The following MINDY2 variants were observed in gnomAD, a reference collection of about 807,000 sequenced individuals.
MINDY2 encodes MINDY lysine 48 deubiquitinase 2.
A neutral mutation model predicts 68.2 loss-of-function variants in MINDY2; 52 were observed. The ratio of observed to expected loss-of-function variants is 0.76; its 90% CI spans 0.61 to 0.96. The LOEUF (loss-of-function observed/expected upper bound fraction) is 0.96, where lower values mean the gene tolerates loss of function less well. Among genes scored for constraint, MINDY2 ranks in the 40% least tolerant of loss-of-function variants. The pLI is 0.00. For synonymous variants in MINDY2, 372 were observed against 303.0 expected (o/e 1.23, Z -2.36); for missense variants, 881 against 773.4 (o/e 1.14, Z -1.65).
chr15:58,802,303 T>G lies in MINDY2; in HGVS notation c.899-10T>G, dbSNP rs1791866734. On this transcript the variant is annotated splice_polypyrimidine_tract_variant and intron_variant, in intron 2 of 8. Coordinates refer to ENST00000559228, the MANE Select transcript of MINDY2 (RefSeq NM_001040450.3). ...AAGGCAATTTTACAATTCTTTTTTT[T>G]TTTTTACAGGAGATTACATGCTTGA... The G allele has an allele frequency of 1.9e-6, 3 of 1,560,730 alleles. No individual in the cohort carries two copies. Among genetic ancestry groups the G allele is most frequent in the Non-Finnish European group, 2.6e-6 (3 of 1,154,814 alleles).
At chr15:58,821,299 G>A (rs2031045386) in intron 4 of MINDY2, among the ~76,000 whole-genome samples, 1 of 149,456 alleles carries the variant, frequency 6.7e-6, no homozygotes. Flanking sequence ...AAGTTGCCTT[G>A]CTTTAAATGT....
At chr15:58,832,376 A>T (rs1443484143) in intron 6 of MINDY2, among the ~76,000 whole-genome samples, 2 of 150,370 alleles carry the variant, frequency 1.3e-5, no homozygotes, top group Non-Finnish European at 3.0e-5. Context: ...ACAGGCATGC[A>T]CCACCATGCC....
At chr15:58,845,053 A>T (rs1408651674) in intron 6 of MINDY2, among the ~76,000 whole-genome samples, 1 of 152,128 alleles carries the variant, frequency 6.6e-6, no homozygotes, top group Non-Finnish European at 1.5e-5. Context: ...GAAAAAAAAA[A>T]ATCTCATAAT....
chr15:58,845,204 G>A (rs180889119), intron 6 of MINDY2, among the ~76,000 whole-genome samples: 131 of 152,110 alleles, frequency 8.6e-4, no homozygotes, highest in African/African-American at 2.8e-3. Context: ...TCAGGAATTC[G>A]AGACCAGCCT....
chr15:58,800,943 A>AT (rs1489087698), intron 2 of MINDY2, among the ~76,000 whole-genome samples: 2 of 152,020 alleles, frequency 1.3e-5, no homozygotes, highest in African/African-American at 4.8e-5. Flanking sequence ...GTAGAGACAG[A>AT]TTAACCAGTT....
At chr15:58,810,595 A>C (rs1322846738) in intron 4 of MINDY2, among the ~76,000 whole-genome samples, 1 of 152,172 alleles carries the variant, frequency 6.6e-6, no homozygotes, top group African/African-American at 2.4e-5. Context: ...CTAGGGCCCA[A>C]CTACAAGGTT....
intron 1 of MINDY2, among the ~76,000 whole-genome samples, chr15:58,782,335 G>A (rs1401993057): frequency 6.6e-6 from 1 of 151,996 alleles, no homozygotes; most frequent in African/African-American, 2.4e-5. Context: ...ATTATTTAGT[G>A]CGTCCATTTT....
intron 4 of MINDY2, among the ~76,000 whole-genome samples, chr15:58,818,516 A>G (rs574228588): frequency 6.6e-6 from 1 of 152,138 alleles, no homozygotes; most frequent in East Asian, 1.9e-4. Context: ...CTAGCCTCCT[A>G]AAGTGCTGGG....
At chr15:58,777,508 T>G (rs1375019408) in intron 1 of MINDY2, among the ~76,000 whole-genome samples, 1 of 152,102 alleles carries the variant, frequency 6.6e-6, no homozygotes, top group Non-Finnish European at 1.5e-5. Flanking sequence ...GCAGTGTGGC[T>G]AACGCCTGGA....
At chr15:58,792,519 T>A (rs1271567519) in intron 2 of MINDY2, among the ~76,000 whole-genome samples, 1 of 152,078 alleles carries the variant, frequency 6.6e-6, no homozygotes, top group East Asian at 1.9e-4. Flanking sequence ...GGCAGAAGAA[T>A]CGCTTGAACC....
At chr15:58,775,987 C>T (rs1370960597) in intron 1 of MINDY2, among the ~76,000 whole-genome samples, 1 of 151,474 alleles carries the variant, frequency 6.6e-6, no homozygotes, top group Non-Finnish European at 1.5e-5. Context: ...CTCAGCCTCT[C>T]GAGTAGCTGG....
rs561398770 is a variant in MINDY2, at chr15:58,859,347, T to C, written c.*4737T>C. ...ATACAGTATATAAACTTCGTTTGCA[T>C]TGGTGGAATTCATTTAGATCTCTCA... is the stretch of plus-strand genomic sequence containing the variant. On this transcript the variant is annotated 3_prime_UTR_variant, in exon 9 of 9. Coordinates refer to ENST00000559228, the MANE Select transcript of MINDY2 (RefSeq NM_001040450.3). The C allele has an allele frequency of 2.6e-5, 4 of 152,256 alleles. No individual in the cohort carries two copies. The highest frequency in any genetic ancestry group is 3.8e-4 in the East Asian group (2 of 5,196). The allele number at this position is 152,256 out of a possible 1,614,324, so 9.4% of individuals were successfully genotyped here.
intron 6 of MINDY2, among the ~76,000 whole-genome samples, chr15:58,845,764 C>G (rs2032499246): frequency 6.6e-6 from 1 of 152,146 alleles, no homozygotes; most frequent in Admixed American, 6.5e-5. Context: ...TATTGCAGCA[C>G]TATTCGCAAT....
chr15:58,785,727 A>G (rs1955251996), intron 1 of MINDY2, among the ~76,000 whole-genome samples: 1 of 152,036 alleles, frequency 6.6e-6, no homozygotes, highest in Admixed American at 6.6e-5. Flanking sequence ...CCCAGGCTGG[A>G]GCGTAGTGGC....
At chr15:58,836,066 C>T (rs138864128) in intron 6 of MINDY2, among the ~76,000 whole-genome samples, 5,396 of 152,078 alleles carry the variant, frequency 0.035, 324 homozygotes, top group African/African-American at 0.12. Flanking sequence ...CCCGCCACCA[C>T]ACCCAGCTAA....
chr15:58,783,975 T>C (rs1373077637), intron 1 of MINDY2, among the ~76,000 whole-genome samples: 1 of 151,910 alleles, frequency 6.6e-6, no homozygotes, highest in African/African-American at 2.4e-5. Flanking sequence ...AATGGAATAT[T>C]TGGAGTCGGA....
chr15:58,828,971 T>C (rs1308916282), intron 5 of MINDY2, among the ~76,000 whole-genome samples: 2 of 152,212 alleles, frequency 1.3e-5, no homozygotes, highest in Admixed American at 1.3e-4. Flanking sequence ...TTTTTACCTT[T>C]AGTATCATCA....
intron 5 of MINDY2, among the ~76,000 whole-genome samples, chr15:58,828,487 CT>C (rs1325684043): frequency 6.6e-6 from 1 of 151,392 alleles, no homozygotes. Flanking sequence ...ACTTCACCAT[CT>C]TTAAGGCATT....
chr15:58,792,012 A>T (rs1595714786), intron 2 of MINDY2, among the ~76,000 whole-genome samples: 1 of 152,140 alleles, frequency 6.6e-6, no homozygotes, highest in African/African-American at 2.4e-5. Context: ...AGAGTGAGAG[A>T]TGAGCTGAAT....
Sources: gnomAD v4.1 joint callset for allele counts (sites outside exome capture counted in the v4.1 genomes callset) on GRCh38, gnomAD v4.1.1 for gene constraint, MANE v1.5 for transcripts, NCBI Gene and HGNC (gene_info 2026-07-23, HGNC 2026-07-21) for gene names.